IFTAP: variants seen among roughly 807,000 people sequenced by gnomAD.
The protein encoded by IFTAP is intraflagellar transport associated protein.
In IFTAP, 19 loss-of-function variants were observed where a neutral mutation model predicts 19.4. The observed-to-expected ratio is 0.98, with a 90% CI of 0.68 to 1.44. The LOEUF is 1.44. Among genes scored for constraint, IFTAP ranks in the 40% most tolerant of loss-of-function variants. IFTAP has a pLI of 0.00. For missense variants in IFTAP, 240 were observed against 253.6 expected (o/e 0.95, Z 0.36); for synonymous variants, 85 against 83.5 (o/e 1.02, Z -0.10).
chr11:36,625,505 A>G (rs1852476076), intron 2 of IFTAP, among the ~76,000 whole-genome samples: 1 of 152,150 alleles, frequency 6.6e-6, no homozygotes, highest in East Asian at 1.9e-4. Context: ...TGTTTTGATG[A>G]CTTCCTGGTA....
At chr11:36,626,441 G>C (rs1208170229) in intron 2 of IFTAP, among the ~76,000 whole-genome samples, 2 of 151,346 alleles carry the variant, frequency 1.3e-5, no homozygotes, top group Non-Finnish European at 2.9e-5. Flanking sequence ...CAGCCTGGCA[G>C]AGTGTTAAGC....
intron 2 of IFTAP, among the ~76,000 whole-genome samples, chr11:36,618,615 G>A (rs567541640): frequency 2.6e-5 from 4 of 151,978 alleles, no homozygotes; most frequent in Non-Finnish European, 5.9e-5. Context: ...AGAATGACAG[G>A]CTGGCAGACA....
At chr11:36,618,847 G>T in intron 2 of IFTAP, among the ~76,000 whole-genome samples, 1 of 152,140 alleles carries the variant, frequency 6.6e-6, no homozygotes, top group East Asian at 1.9e-4. Flanking sequence ...GAAACATCTG[G>T]AGTCAGGGAG....
In IFTAP at chr11:36,659,087, C is replaced by G. The variant is rs1057176103; in HGVS notation, c.567C>G (p.Thr189=). The G allele has an allele frequency of 2.5e-6, 4 of 1,609,606 alleles. No individual in the cohort carries two copies. The highest frequency in any genetic ancestry group is 3.4e-6 in the Non-Finnish European group (4 of 1,177,704). The change falls in exon 6 of 6, where the codon ACC becomes ACG. Residue 189 remains threonine (T), a synonymous_variant. Coordinates refer to ENST00000334307, the MANE Select transcript of IFTAP (RefSeq NM_138787.4). Reference sequence around the variant, plus strand: ...TTGATTATGACAATGTGATGCTAACCTCCAAGTTTAGTCCTGCAGAGATAG... The same window carrying G: ...TTGATTATGACAATGTGATGCTAACGTCCAAGTTTAGTCCTGCAGAGATAG... ...EEFDYDNVML[T]SKFSPAEIEN...
At chr11:36,615,804 A>C (rs930167254) in intron 2 of IFTAP, among the ~76,000 whole-genome samples, 17 of 151,086 alleles carry the variant, frequency 1.1e-4, no homozygotes, top group African/African-American at 3.9e-4. Context: ...TATCAGCTTA[A>C]GGAGATTTTG....
At chr11:36,650,628 A>G (rs943740118) in intron 5 of IFTAP, among the ~76,000 whole-genome samples, 2 of 151,132 alleles carry the variant, frequency 1.3e-5, no homozygotes, top group Admixed American at 1.3e-4. Context: ...GGTTTGTTAC[A>G]TATGTATACA....
intron 5 of IFTAP, among the ~76,000 whole-genome samples, chr11:36,654,812 T>C (rs889409808): frequency 2.0e-5 from 3 of 152,138 alleles, no homozygotes; most frequent in African/African-American, 7.2e-5. Context: ...TACGGATTTT[T>C]CAAATCTCTG....
chr11:36,618,803 G>A (rs558186344), intron 2 of IFTAP, among the ~76,000 whole-genome samples: 58 of 152,138 alleles, frequency 3.8e-4, no homozygotes, highest in South Asian at 6.2e-4. Flanking sequence ...CACATTGCTC[G>A]TGATTTTGAA....
At chr11:36,625,627 T>A (rs1852481291) in intron 2 of IFTAP, among the ~76,000 whole-genome samples, 1 of 152,176 alleles carries the variant, frequency 6.6e-6, no homozygotes, top group South Asian at 2.1e-4. Flanking sequence ...ATTCATTTGG[T>A]AAATGTTTGT....
intron 1 of IFTAP, among the ~76,000 whole-genome samples, chr11:36,609,803 T>A (rs1268107543): frequency 6.6e-6 from 1 of 152,122 alleles, no homozygotes; most frequent in Non-Finnish European, 1.5e-5. Flanking sequence ...AATTGTGTAA[T>A]TGGGTGACAA....
chr11:36,626,197 T>A (rs576515153), intron 2 of IFTAP, among the ~76,000 whole-genome samples: 1 of 151,362 alleles, frequency 6.6e-6, no homozygotes, highest in Non-Finnish European at 1.5e-5. Flanking sequence ...CAAAAATATA[T>A]GTCCTCGATT....
intron 4 of IFTAP, among the ~76,000 whole-genome samples, chr11:36,640,668 G>A (rs900482599): frequency 6.6e-6 from 1 of 152,128 alleles, no homozygotes; most frequent in African/African-American, 2.4e-5. Flanking sequence ...ATTGGCAATG[G>A]ATCAAGCGAA....
At chr11:36,625,124 T>G (rs1450014374) in intron 2 of IFTAP, among the ~76,000 whole-genome samples, 1 of 152,176 alleles carries the variant, frequency 6.6e-6, no homozygotes, top group Non-Finnish European at 1.5e-5. Flanking sequence ...CTCTGTTACT[T>G]TCTAACTAGG....
intron 4 of IFTAP, among the ~76,000 whole-genome samples, chr11:36,644,996 A>T (rs1289807597): frequency 1.2e-5 from 1 of 81,238 alleles, no homozygotes; most frequent in Admixed American, 1.3e-4. Flanking sequence ...TTTAAAGTAT[A>T]ATAATAATAA....
chr11:36,606,577 T>C (rs1851701876), intron 1 of IFTAP, among the ~76,000 whole-genome samples: 1 of 152,238 alleles, frequency 6.6e-6, no homozygotes, highest in Admixed American at 6.5e-5. Flanking sequence ...CTTTCAGTAC[T>C]ACTGAGATGT....
At position 36,648,285 on chromosome 11, in the gene IFTAP, G is replaced by A. The variant is rs897831337; in HGVS notation, c.498+130G>A. 7.0e-6 allele frequency: 8 copies of A among 1,135,204 alleles called. No individual in the cohort carries two copies. In the African/African-American group the frequency reaches 1.1e-4, roughly 16 times the overall value. 70.3% of individuals were successfully genotyped at this position (1,135,204 alleles called of 1,614,324 possible). A position where few individuals can be genotyped will look rare whatever the true frequency, so the allele number is the denominator to read the frequency against. On this transcript the variant is annotated intron_variant, in intron 5 of 5. Transcript: ENST00000334307. Reference sequence around the variant, plus strand: ...ATATAAAATTCAAGTTGCTTAATTGGTCCCTCTCACAGCCATCTATCTCAA... The same window carrying A: ...ATATAAAATTCAAGTTGCTTAATTGATCCCTCTCACAGCCATCTATCTCAA...
chr11:36,649,542 T>G (rs1237508950), intron 5 of IFTAP, among the ~76,000 whole-genome samples: 1 of 152,156 alleles, frequency 6.6e-6, no homozygotes, highest in Non-Finnish European at 1.5e-5. Context: ...CAATTTTATT[T>G]CAGTACAATT....
chr11:36,595,749 G>A (rs1851197057), intron 1 of IFTAP, among the ~76,000 whole-genome samples: 1 of 152,214 alleles, frequency 6.6e-6, no homozygotes, highest in Non-Finnish European at 1.5e-5. Flanking sequence ...TTTGCATATA[G>A]TAGACGATAG....
At chr11:36,658,200 A>G (rs1396484868) in intron 5 of IFTAP, among the ~76,000 whole-genome samples, 1 of 152,184 alleles carries the variant, frequency 6.6e-6, no homozygotes, top group African/African-American at 2.4e-5. Context: ...CAGCATCACT[A>G]TGCATATTGT....
Sources: gnomAD v4.1 joint callset for allele counts (sites outside exome capture counted in the v4.1 genomes callset) on GRCh38, gnomAD v4.1.1 for gene constraint, MANE v1.5 for transcripts, NCBI Gene and HGNC (gene_info 2026-07-23, HGNC 2026-07-21) for gene names.